The following FGB variants were observed in gnomAD, a reference collection of about 807,000 sequenced individuals.
The protein encoded by FGB is beta-fibrinogen.
A neutral mutation model predicts 57.9 loss-of-function variants in FGB; 25 were observed. The observed-to-expected ratio is 0.43, with a 90% CI of 0.31 to 0.60. The LOEUF (loss-of-function observed/expected upper bound fraction) is 0.60, where lower values mean the gene tolerates loss of function less well. Among genes scored for constraint, FGB ranks in the 20% least tolerant of loss-of-function variants. FGB has a pLI of 0.08. For missense variants in FGB, 536 were observed against 598.4 expected (o/e 0.90, Z 1.09); for synonymous variants, 203 against 199.2 (o/e 1.02, Z -0.16).
intron 1 of FGB, among the ~76,000 whole-genome samples, chr4:154,563,564 T>C (rs181895954): frequency 1.6e-3 from 247 of 151,954 alleles, no homozygotes; most frequent in Middle Eastern, 0.014. Flanking sequence ...AGGTAATATA[T>C]ATTGTTACTG....
chr4:154,566,141 A>C, intron 2 of FGB, 142 bp downstream of exon 2: 1 of 848,108 alleles, frequency 1.2e-6, no homozygotes, highest in Non-Finnish European at 1.8e-6. Context: ...AATTCAAAAC[A>C]TAAACATATT....
At chr4:154,564,768 A>T (rs1343976787) in intron 1 of FGB, among the ~76,000 whole-genome samples, 1 of 152,086 alleles carries the variant, frequency 6.6e-6, no homozygotes, top group Non-Finnish European at 1.5e-5. Flanking sequence ...GACAAAAAAA[A>T]AAATGAGAAT....
intron 6 of FGB, 36 bp downstream of exon 6, chr4:154,569,343 T>A: frequency 6.2e-7 from 1 of 1,613,354 alleles, no homozygotes; most frequent in Non-Finnish European, 8.5e-7. Context: ...ATCATTCTAT[T>A]TGAAATGGGA....
rs1730270363 is a variant in FGB at position 154,568,513 on chromosome 4, T to C, written c.832+19T>C. 8.1e-7 allele frequency: 1 copy of C among 1,227,258 alleles called. No individual in the cohort carries two copies. The highest frequency in any genetic ancestry group is 1.5e-5 in the African/African-American group (1 of 67,620). 76.0% of individuals were successfully genotyped at this position (1,227,258 alleles called of 1,614,324 possible). On this transcript the variant is annotated intron_variant, in intron 5 of 7. Transcript: ENST00000302068. ...AATGGAGGTAAGCTTTCGACAGTTG[T>C]TGACCTGTTGATCTGTAATTATTTG...
Position 154,571,568 on chromosome 4 carries a change from C to A in FGB, c.*918C>A, listed in dbSNP as rs2227424. ...TCAGAGATTCCAAGAGGACAATCTG[C>A]ATCAAGTCTTCACCAAGTGTTTTTT... is the stretch of plus-strand genomic sequence containing the variant. On this transcript the variant is annotated 3_prime_UTR_variant, in exon 8 of 8. Coordinates refer to ENST00000302068, the MANE Select transcript of FGB (RefSeq NM_005141.5). 6.6e-6 allele frequency among the ~76,000 whole-genome samples: 1 copy of A among 151,890 alleles called. No homozygotes were observed. The highest frequency in any genetic ancestry group is 2.4e-5 in the African/African-American group (1 of 41,360).
chr4:154,565,303 T>C (rs1730109274), intron 1 of FGB: 2 of 348,010 alleles, frequency 5.7e-6, no homozygotes, highest in Admixed American at 4.2e-5. Context: ...GGGTCAAAGA[T>C]TGTCTTATTA....
chr4:154,564,957 T>C (rs1730094735), intron 1 of FGB, among the ~76,000 whole-genome samples: 1 of 152,158 alleles, frequency 6.6e-6, no homozygotes, highest in African/African-American at 2.4e-5. Context: ...AATTTCAAGA[T>C]AATGGTTTAA....
At chr4:154,564,960 T>C (rs978783965) in intron 1 of FGB, among the ~76,000 whole-genome samples, 4 of 152,126 alleles carry the variant, frequency 2.6e-5, no homozygotes, top group Non-Finnish European at 5.9e-5. Flanking sequence ...TTCAAGATAA[T>C]GGTTTAACAA....
At chr4:154,566,840 C>T in intron 3 of FGB, 168 bp downstream of exon 3, 1 of 645,540 alleles carries the variant, frequency 1.5e-6, no homozygotes. Context: ...CACTATTCAG[C>T]TCTTATTCCC....
Position 154,571,037 on chromosome 4 carries a change from A to G in FGB, c.*387A>G. On this transcript the variant is annotated 3_prime_UTR_variant, in exon 8 of 8. Transcript: ENST00000302068. ...TATTTATTTATGTAGGATCTGTCAA[A>G]GAAAACTTCCAAAAAGATTTATTAA... 3.4e-6 allele frequency: 1 copy of G among 295,716 alleles called. No homozygotes were observed. The highest frequency in any genetic ancestry group is 6.5e-6 in the Non-Finnish European group (1 of 154,198). The allele number at this position is 295,716 out of a possible 1,614,324, so 18.3% of individuals were successfully genotyped here.
chr4:154,566,032 T>G (rs1730146565), intron 2 of FGB, 33 bp downstream of exon 2: 1 of 1,597,112 alleles, frequency 6.3e-7, no homozygotes, highest in Non-Finnish European at 8.6e-7. Context: ...CAGTGGTGGC[T>G]CTCTCATGCA....
intron 1 of FGB, chr4:154,565,114 T>G (rs1316571979): frequency 7.1e-6 from 3 of 421,700 alleles, no homozygotes; most frequent in South Asian, 5.5e-5. Context: ...GGGTACCATA[T>G]GCAATAAGTT....
At chr4:154,566,736 G>A (rs537550350) in intron 3 of FGB, 64 bp downstream of exon 3, 1,403 of 1,421,976 alleles carry the variant, frequency 9.9e-4, no homozygotes, top group Non-Finnish European at 1.3e-3. Flanking sequence ...AGACTGCCAC[G>A]AGAATGCATG....
At position 154,566,637 on chromosome 4, in the gene FGB, A is replaced by G. The variant is rs761740955; in HGVS notation, c.455A>G (p.Lys152Arg). 6.2e-7 allele frequency: 1 copy of G among 1,614,168 alleles called. No homozygotes were observed. The highest frequency in any genetic ancestry group is 1.7e-5 in the Admixed American group (1 of 60,022). The part of the protein sequence containing the change: ...SSSFQYMYLL[K>R]DLWQKRQKQV... The stretch of plus-strand genomic sequence containing the variant: ...TCCTTTCAGTACATGTATTTGCTGA[A>G]AGACCTGTGGCAAAAGAGGCAGAAG... Residue 152 changes from lysine to arginine, a missense_variant, in exon 3 of 8, where the codon AAA becomes AGA. Transcript: ENST00000302068.
chr4:154,565,701 A>G (rs2110760555), intron 1 of FGB, 107 bp from the exon 2 acceptor site: 1 of 1,185,688 alleles, frequency 8.4e-7, no homozygotes, highest in Non-Finnish European at 1.2e-6. Flanking sequence ...TCTTAAGCAA[A>G]TTATCAAGCT....
chr4:154,563,170 T>C, intron 1 of FGB, 38 bp downstream of exon 1: 10 of 823,560 alleles, frequency 1.2e-5, no homozygotes, highest in Non-Finnish European at 2.0e-5. Flanking sequence ...ATTAGTAGTA[T>C]TATTAATATA....
rs1730398654 is a variant in FGB, at chr4:154,570,955, T to C, written c.*305T>C. ...GAAGAGGGGTCTTTTATCCTTGTCG[T>C]AGGAAAACCATGACGGAAAGGAAAA... On this transcript the variant is annotated 3_prime_UTR_variant, in exon 8 of 8. Transcript: ENST00000302068. 1 of 398,108 alleles carries C rather than the reference T, an allele frequency of 2.5e-6. No homozygotes were observed. The highest frequency in any genetic ancestry group is 4.7e-6 in the Non-Finnish European group (1 of 214,648). 24.7% of individuals were successfully genotyped at this position (398,108 alleles called of 1,614,324 possible). A position where few individuals can be genotyped will look rare whatever the true frequency, so the allele number is the denominator to read the frequency against.
chr4:154,569,075 A>G, intron 5 of FGB, 107 bp from the exon 6 acceptor site: 1 of 1,259,782 alleles, frequency 7.9e-7, no homozygotes, highest in Admixed American at 1.7e-5. Flanking sequence ...ATTTTAGAGC[A>G]CCAAATATAT....
In FGB at chr4:154,570,510, T is replaced by C; in HGVS notation, c.1336T>C (p.Tyr446His). The change falls in exon 8 of 8, where the codon TAC becomes CAC. Residue 446 changes from tyrosine (Y) to histidine (H), a missense_variant. Tyr to His is a moderately conservative substitution (Grantham distance 83). Coordinates refer to ENST00000302068, the MANE Select transcript of FGB (RefSeq NM_005141.5). ...TCATGCAGCCAATCCAAACGGCAGA[T>C]ACTACTGGGGTGGACAGTACACCTG... The part of the protein sequence containing the change: ...RCHAANPNGR[Y>H]YWGGQYTWDM... 6.2e-7 allele frequency: 1 copy of C among 1,614,134 alleles called. No individual in the cohort carries two copies. The highest frequency in any genetic ancestry group is 8.5e-7 in the Non-Finnish European group (1 of 1,180,000).
Sources: gnomAD v4.1 joint callset for allele counts (sites outside exome capture counted in the v4.1 genomes callset) on GRCh38, gnomAD v4.1.1 for gene constraint, MANE v1.5 for transcripts, NCBI Gene and HGNC (gene_info 2026-07-23, HGNC 2026-07-21) for gene names.